The following NR3C2 variants were observed in gnomAD, a reference collection of about 807,000 sequenced individuals.
The protein encoded by NR3C2 is nuclear receptor subfamily 3 group C member 2.
NR3C2 carries 15 observed loss-of-function variants against 86.4 expected under a neutral mutation model. That is an observed-to-expected ratio of 0.17 (90% confidence interval 0.12 to 0.27). The LOEUF (loss-of-function observed/expected upper bound fraction) is 0.27, where lower values mean the gene tolerates loss of function less well. Among genes scored for constraint, NR3C2 ranks in the 10% least tolerant of loss-of-function variants. The probability of loss-of-function intolerance (pLI) is 1.00; values close to 1 mark genes in which losing one functional copy is unlikely to be tolerated. For synonymous variants in NR3C2, 458 were observed against 450.5 expected (o/e 1.02, Z -0.21); for missense variants, 960 against 1,195.6 (o/e 0.80, Z 2.91).
At chr4:148,197,194 C>T (rs1736481842) in intron 3 of NR3C2, among the ~76,000 whole-genome samples, 1 of 152,150 alleles carries the variant, frequency 6.6e-6, no homozygotes, top group Admixed American at 6.5e-5. Flanking sequence ...ATTGAAGATG[C>T]TCTTTGGAAA....
intron 2 of NR3C2, among the ~76,000 whole-genome samples, chr4:148,304,496 G>A (rs747875738): frequency 6.6e-6 from 1 of 151,940 alleles, no homozygotes; most frequent in Admixed American, 6.6e-5. Context: ...ACTCCAAAGC[G>A]TCATGGAATC....
intron 2 of NR3C2, among the ~76,000 whole-genome samples, chr4:148,410,334 T>A (rs939634166): frequency 1.3e-5 from 2 of 152,148 alleles, no homozygotes; most frequent in African/African-American, 4.8e-5. Flanking sequence ...TATCTAATAA[T>A]AAAGTTTTGA....
At chr4:148,432,841 AC>A (rs1230228200) in intron 2 of NR3C2, among the ~76,000 whole-genome samples, 1 of 152,152 alleles carries the variant, frequency 6.6e-6, no homozygotes, top group Non-Finnish European at 1.5e-5. Context: ...TTGAGCTTTT[AC>A]TCTGGTAATC....
intron 2 of NR3C2, among the ~76,000 whole-genome samples, chr4:148,313,930 C>A (rs940069021): frequency 9.9e-5 from 15 of 152,106 alleles, no homozygotes; most frequent in African/African-American, 2.9e-4. Context: ...ATAACCTATG[C>A]ATTACATCTT....
intron 2 of NR3C2, among the ~76,000 whole-genome samples, chr4:148,298,945 GC>G (rs1341695556): frequency 6.6e-6 from 1 of 152,222 alleles, no homozygotes; most frequent in African/African-American, 2.4e-5. Context: ...AGACCAGGGG[GC>G]CCACCTGTGC....
chr4:148,100,793 T>C (rs541682045), intron 8 of NR3C2, among the ~76,000 whole-genome samples: 2 of 152,330 alleles, frequency 1.3e-5, no homozygotes, highest in Admixed American at 6.5e-5. Flanking sequence ...CTATTCACAA[T>C]AGGCAAAAGG....
chr4:148,204,913 C>G (rs1295254254), intron 3 of NR3C2, among the ~76,000 whole-genome samples: 1 of 152,168 alleles, frequency 6.6e-6, no homozygotes, highest in Non-Finnish European at 1.5e-5. Context: ...ATATGCACAG[C>G]CCTTGCAAGA....
chr4:148,184,741 T>C (rs1735813798), intron 4 of NR3C2, among the ~76,000 whole-genome samples: 1 of 152,194 alleles, frequency 6.6e-6, no homozygotes, highest in Non-Finnish European at 1.5e-5. Flanking sequence ...CCTTGTGTCA[T>C]CTAGATTTTA....
intron 4 of NR3C2, among the ~76,000 whole-genome samples, chr4:148,163,491 G>A (rs532618984): frequency 3.0e-4 from 46 of 152,216 alleles, no homozygotes; most frequent in Admixed American, 6.5e-4. Flanking sequence ...TGCACAAAGG[G>A]CAGACTGTGA....
chr4:148,264,448 T>A (rs72655248), intron 2 of NR3C2, among the ~76,000 whole-genome samples: 45 of 152,230 alleles, frequency 3.0e-4, no homozygotes, highest in Non-Finnish European at 6.0e-4. Context: ...GTGATTTGTA[T>A]GTCAAAATTC....
chr4:148,273,824 G>C (rs1250676587), intron 2 of NR3C2, among the ~76,000 whole-genome samples: 1 of 152,222 alleles, frequency 6.6e-6, no homozygotes, highest in Non-Finnish European at 1.5e-5. Flanking sequence ...CAAGTTGGAA[G>C]GGCTATCAGA....
rs866808941 is a variant in NR3C2 at position 148,200,371 on chromosome 4, C to T, written c.1898-5509G>A. On this transcript the variant is annotated intron_variant, in intron 3 of 8. Coordinates refer to ENST00000358102, the MANE Select transcript of NR3C2 (RefSeq NM_000901.5). Reference sequence around the variant, plus strand: ...CCCACCCCCCACACAGCCCCCTTCCCGCCTGCTATATGCCCAATTTTAAAG... The same window carrying T: ...CCCACCCCCCACACAGCCCCCTTCCTGCCTGCTATATGCCCAATTTTAAAG... Among the ~76,000 whole-genome samples the T allele has an allele frequency of 2.0e-5, 3 of 151,854 alleles. 1 individual carries two copies. Among genetic ancestry groups the T allele is most frequent in the African/African-American group, 4.8e-5 (2 of 41,318 alleles).
At chr4:148,122,195 GTCT>G (rs1162376867) in intron 6 of NR3C2, among the ~76,000 whole-genome samples, 1 of 152,112 alleles carries the variant, frequency 6.6e-6, no homozygotes, top group African/African-American at 2.4e-5. Context: ...TCATTTGGGT[GTCT>G]TCTTTGGTGA....
intron 2 of NR3C2, among the ~76,000 whole-genome samples, chr4:148,366,863 G>T (rs1331999972): frequency 1.3e-5 from 2 of 152,030 alleles, no homozygotes; most frequent in African/African-American, 4.8e-5. Context: ...TTAAGATTTT[G>T]TTCATAAGAG....
At chr4:148,417,699 C>G (rs1579274533) in intron 2 of NR3C2, among the ~76,000 whole-genome samples, 1 of 152,172 alleles carries the variant, frequency 6.6e-6, no homozygotes, top group East Asian at 1.9e-4. Context: ...AGCAAAAACT[C>G]TCATGGGCCT....
chr4:148,110,462 A>G (rs1732000603), intron 8 of NR3C2, among the ~76,000 whole-genome samples: 1 of 152,200 alleles, frequency 6.6e-6, no homozygotes, highest in South Asian at 2.1e-4. Context: ...GGCTCTGAGT[A>G]TAGAGCCAGC....
chr4:148,438,466 C>T (rs1750181032), intron 1 of NR3C2, among the ~76,000 whole-genome samples: 1 of 152,130 alleles, frequency 6.6e-6, no homozygotes, highest in African/African-American at 2.4e-5. Context: ...ATTTCAAAGT[C>T]TGTAAACAAT....
At chr4:148,437,923 A>C (rs1374492532) in intron 1 of NR3C2, among the ~76,000 whole-genome samples, 2 of 152,216 alleles carry the variant, frequency 1.3e-5, no homozygotes, top group South Asian at 2.1e-4. Context: ...CACAGACAGA[A>C]TCTTCATAAT....
At chr4:148,122,432 A>G (rs1486354688) in intron 6 of NR3C2, among the ~76,000 whole-genome samples, 2 of 152,198 alleles carry the variant, frequency 1.3e-5, no homozygotes, top group African/African-American at 4.8e-5. Context: ...TATATTTCAC[A>G]CATATTTTCT....
Sources: allele counts gnomAD v4.1 joint callset (sites outside exome capture counted in the v4.1 genomes callset), GRCh38; gene constraint gnomAD v4.1.1; transcripts MANE v1.5; gene names NCBI Gene and HGNC (gene_info 2026-07-23, HGNC 2026-07-21).